SELENOT: variants seen among roughly 807,000 people sequenced by gnomAD.
SELENOT encodes thioredoxin reductase-like selenoprotein T.
A neutral mutation model predicts 24.3 loss-of-function variants in SELENOT; 9 were observed. That is an observed-to-expected ratio of 0.37 (90% CI 0.22 to 0.65). The LOEUF is 0.65. SELENOT is among the 30% of genes least tolerant of loss of function. The pLI is 0.60. For synonymous variants in SELENOT, 81 were observed against 86.0 expected (o/e 0.94, Z 0.32); for missense variants, 166 against 247.6 (o/e 0.67, Z 2.21).
At chr3:150,620,479 C>T (rs544115459) in intron 1 of SELENOT, among the ~76,000 whole-genome samples, 3 of 152,156 alleles carry the variant, frequency 2.0e-5, no homozygotes, top group African/African-American at 2.4e-5. Context: ...AGGACAGGAC[C>T]GTATCTGTGT....
chr3:150,620,611 T>C (rs1415853752), intron 1 of SELENOT, among the ~76,000 whole-genome samples: 2 of 152,232 alleles, frequency 1.3e-5, no homozygotes, highest in Non-Finnish European at 2.9e-5. Context: ...AGTCACGTTA[T>C]CTCTCTGGGT....
At chr3:150,611,260 T>G in intron 1 of SELENOT, 1 of 1,230,100 alleles carries the variant, frequency 8.1e-7, no homozygotes, top group Non-Finnish European at 1.2e-6. Context: ...ATTCCACATC[T>G]AGTGAACACC....
rs11548663 is a variant in SELENOT at position 150,603,438 on chromosome 3, G to A, written c.76G>A (p.Val26Met). 1.2e-3 allele frequency: 1,905 copies of A among 1,613,182 alleles called. 7 individuals are homozygous for A. Among genetic ancestry groups the A allele is most frequent in the Non-Finnish European group, 1.3e-3 (1,588 of 1,179,384 alleles). ...RSEASANLGG[V>M]PSKRLKMQYA... ...CGAGGCCTCGGCCAATCTGGGCGGCGTGCCCAGCAAGAGATTAAAGATGCA... is the reference window on the plus strand; with the variant it reads ...CGAGGCCTCGGCCAATCTGGGCGGCATGCCCAGCAAGAGATTAAAGATGCA... Residue 26 changes from valine to methionine, a missense_variant, in exon 1 of 6, where the codon GTG (valine) becomes ATG (methionine). Physicochemically the swap from Val to Met is conservative, Grantham distance 21. Coordinates refer to ENST00000471696, the MANE Select transcript of SELENOT (RefSeq NM_016275.5).
rs1725960634 is a variant in SELENOT at position 150,606,285 on chromosome 3, G to A, written c.137+2786G>A. 2.6e-5 allele frequency among the ~76,000 whole-genome samples: 4 copies of A among 151,908 alleles called. No individual in the cohort carries two copies. The South Asian group carries it at 8.3e-4, about 31-fold the overall frequency. On this transcript the variant is annotated intron_variant, in intron 1 of 5. Coordinates refer to ENST00000471696, the MANE Select transcript of SELENOT (RefSeq NM_016275.5). ...AGCCTCCCAAGTAGCTGGGACTGCA[G>A]ACGCGCACCACCACGCCTGGCTAAT...
intron 4 of SELENOT, among the ~76,000 whole-genome samples, chr3:150,625,674 TA>T (rs746324505): frequency 1.2e-4 from 19 of 152,180 alleles, no homozygotes; most frequent in Non-Finnish European, 1.9e-4. Flanking sequence ...ACATGGAAAC[TA>T]TATGAAATTC....
At chr3:150,607,711 G>C (rs9879590) in intron 1 of SELENOT, among the ~76,000 whole-genome samples, 47,714 of 152,098 alleles carry the variant, frequency 0.31, 8,229 homozygotes, top group East Asian at 0.51. Flanking sequence ...TATTTGGCGA[G>C]AACTTTCCAG....
intron 1 of SELENOT, among the ~76,000 whole-genome samples, chr3:150,608,133 C>T (rs917985439): frequency 6.6e-6 from 1 of 152,046 alleles, no homozygotes; most frequent in Admixed American, 6.6e-5. Context: ...GATGCTATAC[C>T]ATTCACTGGA....
At chr3:150,619,977 T>G (rs1726303462) in intron 1 of SELENOT, among the ~76,000 whole-genome samples, 2 of 152,236 alleles carry the variant, frequency 1.3e-5, no homozygotes, top group African/African-American at 4.8e-5. Context: ...AACTGCTTTA[T>G]TTTTCAGAAG....
At chr3:150,624,931 G>C (rs766762697) in intron 4 of SELENOT, 32 bp downstream of exon 4, 1 of 1,164,980 alleles carries the variant, frequency 8.6e-7, no homozygotes. Flanking sequence ...TTTTGTGATT[G>C]ATTTTAAATG....
chr3:150,622,404 C>G lies in SELENOT; in HGVS notation c.157C>G (p.Arg53Gly), dbSNP rs899853371. The change falls in exon 2 of 6, where the codon CGG (arginine) becomes GGG (glycine). Residue 53 changes from arginine (R) to glycine (G), a missense_variant. Arg to Gly is a moderately radical substitution (Grantham distance 125). This residue lies in a region of SELENOT where 71 missense variants were observed against 89.2 expected (regional missense o/e 0.80). Coordinates refer to ENST00000471696, the MANE Select transcript of SELENOT (RefSeq NM_016275.5). ...FQICVSUGYRRVFEEYMRVIS... is the reference protein window; with the variant it reads ...FQICVSUGYRGVFEEYMRVIS... The stretch of plus-strand genomic sequence containing the variant: ...CTGCAGTGTTTCCTGAGGTTATAGG[C>G]GGGTGTTTGAGGAGTACATGCGGGT... The G allele has an allele frequency of 1.4e-6, 2 of 1,462,132 alleles. No homozygotes were observed. The highest frequency in any genetic ancestry group is 1.4e-5 in the African/African-American group (1 of 70,598). The allele number at this position is 1,462,132 out of a possible 1,614,324, so 90.6% of individuals were successfully genotyped here.
At chr3:150,606,464 T>G (rs1725964209) in intron 1 of SELENOT, among the ~76,000 whole-genome samples, 1 of 152,202 alleles carries the variant, frequency 6.6e-6, no homozygotes, top group South Asian at 2.1e-4. Flanking sequence ...AGTCTGTGGT[T>G]TATTATGTTG....
intron 1 of SELENOT, among the ~76,000 whole-genome samples, chr3:150,613,693 T>TTTTTTAA (rs1401509534): frequency 6.8e-6 from 1 of 146,974 alleles, no homozygotes; most frequent in Non-Finnish European, 1.5e-5. Context: ...TTTTTTTTTT[T>TTTTTTAA]AGAGAAAAAG....
intron 4 of SELENOT, among the ~76,000 whole-genome samples, chr3:150,625,469 A>G (rs1336865616): frequency 6.6e-6 from 1 of 152,100 alleles, no homozygotes; most frequent in Non-Finnish European, 1.5e-5. Context: ...TGGATTACCA[A>G]GTCTTCTCAG....
chr3:150,624,804 T>C lies in SELENOT; in HGVS notation c.376-8T>C. On this transcript the variant is annotated splice_region_variant and splice_polypyrimidine_tract_variant and intron_variant, in intron 3 of 5. Transcript: ENST00000471696. ...TTGCCTGTTGTGCTTAATTATATTT[T>C]CTTTTAGGTTTATGCATGTATGATG... is the stretch of plus-strand genomic sequence containing the variant. 6.6e-7 allele frequency: 1 copy of C among 1,522,198 alleles called. No individual in the cohort carries two copies. 94.3% of individuals were successfully genotyped at this position (1,522,198 alleles called of 1,614,324 possible).
intron 1 of SELENOT, among the ~76,000 whole-genome samples, chr3:150,607,818 G>T (rs982682031): frequency 1.1e-4 from 17 of 152,164 alleles, no homozygotes; most frequent in African/African-American, 3.1e-4. Context: ...CTAAAAGAAG[G>T]TGCCGTTAAG....
chr3:150,607,282 T>G (rs1725988004), intron 1 of SELENOT, among the ~76,000 whole-genome samples: 1 of 152,214 alleles, frequency 6.6e-6, no homozygotes, highest in Non-Finnish European at 1.5e-5. Context: ...TTATTTAAAT[T>G]TACAACTATT....
chr3:150,616,357 A>G (rs1212943844), intron 1 of SELENOT, among the ~76,000 whole-genome samples: 55 of 142,984 alleles, frequency 3.8e-4, no homozygotes, highest in African/African-American at 1.3e-3. Context: ...AATGGGATCT[A>G]ATTAAACTAA....
At chr3:150,611,340 T>C in intron 1 of SELENOT, 2 of 1,198,884 alleles carry the variant, frequency 1.7e-6, no homozygotes, top group African/African-American at 1.5e-5. Flanking sequence ...TTAAGGTGTC[T>C]TTTTCACTCA....
At chr3:150,622,058 G>A (rs1472488905) in intron 1 of SELENOT, among the ~76,000 whole-genome samples, 1 of 151,464 alleles carries the variant, frequency 6.6e-6, no homozygotes, top group African/African-American at 2.4e-5. Flanking sequence ...TATGCTGAAT[G>A]TGAATAGGTA....
Sources: gnomAD v4.1 joint callset for allele counts (sites outside exome capture counted in the v4.1 genomes callset) on GRCh38, gnomAD v4.1.1 for gene constraint, gnomAD v4.1.1 regional missense constraint, MANE v1.5 for transcripts, NCBI Gene and HGNC (gene_info 2026-07-23, HGNC 2026-07-21) for gene names.